TDRD5: variants seen among roughly 807,000 people sequenced by gnomAD.
TDRD5 encodes the protein tudor domain containing 5, also known as tudor domain-containing protein 5.
In TDRD5, 41 loss-of-function variants were observed where a neutral mutation model predicts 120.6. The observed-to-expected ratio is 0.34, with a 90% CI of 0.26 to 0.44. The LOEUF (loss-of-function observed/expected upper bound fraction) is 0.44. Ranked by LOEUF, TDRD5 falls within the 20% of genes least tolerant of loss-of-function variation. The pLI, the probability that TDRD5 is intolerant of heterozygous loss-of-function variation, is 1.00. For synonymous variants in TDRD5, 430 were observed against 433.7 expected (o/e 0.99, Z 0.11); for missense variants, 1,006 against 1,221.2 (o/e 0.82, Z 2.63).
intron 7 of TDRD5, among the ~76,000 whole-genome samples, chr1:179,633,676 C>G (rs1677589957): frequency 6.6e-6 from 1 of 151,872 alleles, no homozygotes; most frequent in Admixed American, 6.6e-5. Flanking sequence ...GTGCCAACCT[C>G]TTGTAGTTAT....
intron 16 of TDRD5, among the ~76,000 whole-genome samples, chr1:179,666,518 C>T (rs1679559339): frequency 6.6e-6 from 1 of 152,184 alleles, no homozygotes; most frequent in Non-Finnish European, 1.5e-5. Context: ...CTTCTTGAAA[C>T]ATAATCTTCC....
chr1:179,597,392 T>C (rs2101909809), intron 4 of TDRD5, among the ~76,000 whole-genome samples: 1 of 147,916 alleles, frequency 6.8e-6, no homozygotes, highest in East Asian at 2.0e-4. Flanking sequence ...AGTGCAATGG[T>C]GCGATCTCGG....
At chr1:179,593,894 A>T in intron 3 of TDRD5, 27 bp downstream of exon 3, 23 of 1,600,878 alleles carry the variant, frequency 1.4e-5, no homozygotes, top group Non-Finnish European at 2.0e-5. Flanking sequence ...ATGTTGGAGC[A>T]GTCATGGCAC....
intron 4 of TDRD5, among the ~76,000 whole-genome samples, chr1:179,614,664 C>G (rs1021392486): frequency 2.6e-5 from 4 of 152,020 alleles, no homozygotes; most frequent in African/African-American, 9.7e-5. Context: ...AATGGAGTTT[C>G]CTTCAGAGAT....
intron 9 of TDRD5, among the ~76,000 whole-genome samples, chr1:179,637,634 C>T (rs867897744): frequency 9.9e-5 from 15 of 151,648 alleles, no homozygotes; most frequent in African/African-American, 3.7e-4. Flanking sequence ...GTAGTCCCAG[C>T]TCCCGAGGAG....
At chr1:179,679,991 C>T (rs760081491) in intron 17 of TDRD5, among the ~76,000 whole-genome samples, 3 of 152,088 alleles carry the variant, frequency 2.0e-5, no homozygotes, top group Non-Finnish European at 4.4e-5. Flanking sequence ...TTGCTGCATT[C>T]CATGAATTTT....
chr1:179,650,774 A>G, intron 11 of TDRD5, 93 bp from the exon 12 acceptor site: 2 of 1,287,196 alleles, frequency 1.6e-6, no homozygotes, highest in East Asian at 4.7e-5. Flanking sequence ...TTCCACTTAA[A>G]TCTCTAGTTC....
At chr1:179,629,628 A>G (rs4652428) in intron 6 of TDRD5, among the ~76,000 whole-genome samples, 25,817 of 152,160 alleles carry the variant, frequency 0.17, 2,841 homozygotes, top group Non-Finnish European at 0.24. Context: ...AATACCTACA[A>G]TAGATGCAAA....
At chr1:179,677,340 T>C (rs1680191001) in intron 17 of TDRD5, among the ~76,000 whole-genome samples, 1 of 152,196 alleles carries the variant, frequency 6.6e-6, no homozygotes, top group Admixed American at 6.5e-5. Flanking sequence ...CCTTCTGAAA[T>C]CTTTTTCTGG....
At chr1:179,656,939 G>C (rs1679038442) in intron 14 of TDRD5, among the ~76,000 whole-genome samples, 1 of 152,120 alleles carries the variant, frequency 6.6e-6, no homozygotes, top group Non-Finnish European at 1.5e-5. Context: ...TGTAATCCCA[G>C]CTACTTAGGA....
intron 13 of TDRD5, among the ~76,000 whole-genome samples, chr1:179,653,084 G>A (rs1025075435): frequency 6.6e-6 from 1 of 152,140 alleles, no homozygotes; most frequent in African/African-American, 2.4e-5. Flanking sequence ...ATGTGTAAAA[G>A]GCAAGTGAAG....
intron 6 of TDRD5, among the ~76,000 whole-genome samples, chr1:179,625,119 A>G (rs1677049321): frequency 7.3e-6 from 1 of 137,680 alleles, no homozygotes; most frequent in East Asian, 2.1e-4. Flanking sequence ...AATGCAAGAT[A>G]CAACTGAATA....
chr1:179,604,324 C>T (rs1312061358), intron 4 of TDRD5, among the ~76,000 whole-genome samples: 2 of 151,838 alleles, frequency 1.3e-5, no homozygotes, highest in Non-Finnish European at 2.9e-5. Context: ...TTTCAAAGAA[C>T]CAGCTTTTTG....
chr1:179,613,868 G>A (rs1011971464), intron 4 of TDRD5, among the ~76,000 whole-genome samples: 4 of 152,176 alleles, frequency 2.6e-5, no homozygotes, highest in Non-Finnish European at 5.9e-5. Context: ...AAATATTTAA[G>A]CAGCTGAAAG....
intron 4 of TDRD5, 78 bp downstream of exon 4, chr1:179,595,896 A>G: frequency 7.2e-7 from 1 of 1,389,298 alleles, no homozygotes; most frequent in South Asian, 1.7e-5. Context: ...TCTGATGGAA[A>G]AGTTGACCTT....
intron 16 of TDRD5, among the ~76,000 whole-genome samples, chr1:179,665,522 G>A (rs1679513564): frequency 6.6e-6 from 1 of 152,014 alleles, no homozygotes; most frequent in African/African-American, 2.4e-5. Context: ...AATTGTCTTG[G>A]CATCCTTATT....
chr1:179,664,620 G>A (rs1463596786), intron 16 of TDRD5, among the ~76,000 whole-genome samples: 1 of 152,082 alleles, frequency 6.6e-6, no homozygotes, highest in East Asian at 1.9e-4. Context: ...CATCCTTGTT[G>A]TAGTATGAAC....
At chr1:179,666,691 C>T (rs1441761688) in intron 16 of TDRD5, among the ~76,000 whole-genome samples, 1 of 152,212 alleles carries the variant, frequency 6.6e-6, no homozygotes, top group East Asian at 1.9e-4. Flanking sequence ...ATATGGCAAC[C>T]CTATGTTTAA....
At chr1:179,650,349 C>T (rs531439863) in intron 11 of TDRD5, among the ~76,000 whole-genome samples, 7 of 145,382 alleles carry the variant, frequency 4.8e-5, no homozygotes, top group Middle Eastern at 3.7e-3. Flanking sequence ...CACAGTGAGC[C>T]GAGATCACGC....
Sources: gnomAD v4.1 joint callset for allele counts (sites outside exome capture counted in the v4.1 genomes callset) on GRCh38, gnomAD v4.1.1 for gene constraint, MANE v1.5 for transcripts, NCBI Gene and HGNC (gene_info 2026-07-23, HGNC 2026-07-21) for gene names.